The following AKAP6 variants were observed in gnomAD, a reference collection of about 807,000 sequenced individuals.
AKAP6 encodes the protein A-kinase anchoring protein 6, also known as A-kinase anchor protein 6.
A neutral mutation model predicts 188.5 loss-of-function variants in AKAP6; 58 were observed. That is an observed-to-expected ratio of 0.31 (90% CI 0.25 to 0.38). The LOEUF is 0.38. AKAP6 is among the 10% of genes least tolerant of loss of function. The pLI is 1.00. For synonymous variants in AKAP6, 989 were observed against 998.6 expected (o/e 0.99, Z 0.18); for missense variants, 2,710 against 2,740.0 (o/e 0.99, Z 0.24).
chr14:32,527,533 A>G (rs898165281), intron 2 of AKAP6, among the ~76,000 whole-genome samples: 2 of 152,250 alleles, frequency 1.3e-5, no homozygotes, highest in African/African-American at 4.8e-5. Context: ...GTAAGAAACC[A>G]CCAAACTGCA....
chr14:32,640,268 A>C (rs1399962359), intron 7 of AKAP6, among the ~76,000 whole-genome samples: 1 of 152,132 alleles, frequency 6.6e-6, no homozygotes, highest in Non-Finnish European at 1.5e-5. Context: ...ATGATATTTC[A>C]TTAGCTTCTC....
intron 2 of AKAP6, among the ~76,000 whole-genome samples, chr14:32,460,721 C>T (rs959270714): frequency 2.0e-5 from 3 of 152,200 alleles, no homozygotes; most frequent in African/African-American, 7.2e-5. Context: ...AGAGACAGAA[C>T]AGCTCACTCC....
At position 32,821,631 on chromosome 14, in the gene AKAP6, A is replaced by G. The variant is rs750718164; in HGVS notation, c.3818A>G (p.Tyr1273Cys). 5.0e-6 allele frequency: 8 copies of G among 1,613,752 alleles called. No homozygotes were observed. The highest frequency in any genetic ancestry group is 1.1e-5 in the South Asian group (1 of 91,054). The change falls in exon 13 of 14, where the codon TAT becomes TGT. Residue 1273 changes from tyrosine to cysteine, a missense_variant. Coordinates refer to ENST00000280979, the MANE Select transcript of AKAP6 (RefSeq NM_004274.5). ...EEADNHGGSQ[Y>C]ASNITAPSSP... ...GCTGATAACCATGGGGGATCTCAGT[A>G]TGCCTCAAATATTACTGCCCCCTCT...
At chr14:32,628,563 G>A (rs541324193) in intron 7 of AKAP6, among the ~76,000 whole-genome samples, 31 of 152,118 alleles carry the variant, frequency 2.0e-4, no homozygotes, top group African/African-American at 7.2e-4. Flanking sequence ...AGAAAGGAAG[G>A]AAGTTCTGTC....
At chr14:32,801,381 A>C (rs1468600012) in intron 12 of AKAP6, among the ~76,000 whole-genome samples, 1 of 152,206 alleles carries the variant, frequency 6.6e-6, no homozygotes, top group Non-Finnish European at 1.5e-5. Flanking sequence ...AAACAATACT[A>C]TACTGCTTCG....
intron 1 of AKAP6, among the ~76,000 whole-genome samples, chr14:32,393,530 G>C (rs1888778254): frequency 6.6e-6 from 1 of 152,112 alleles, no homozygotes; most frequent in South Asian, 2.1e-4. Context: ...ATTTGTAGAT[G>C]AGTTCATAAT....
chr14:32,469,759 A>T (rs898096722), intron 2 of AKAP6, among the ~76,000 whole-genome samples: 3 of 149,732 alleles, frequency 2.0e-5, no homozygotes, highest in Admixed American at 6.7e-5. Context: ...TCAGCCAGAC[A>T]TGCTGCTCGG....
chr14:32,738,179 G>A lies in AKAP6; in HGVS notation c.3372+2297G>A, dbSNP rs191033263. Among the ~76,000 whole-genome samples, 16 of 152,244 alleles carry A rather than the reference G, an allele frequency of 1.1e-4. No individual in the cohort carries two copies. In the East Asian group the frequency reaches 2.3e-3, roughly 22 times the overall value. On this transcript the variant is annotated intron_variant, in intron 11 of 13. Coordinates refer to ENST00000280979, the MANE Select transcript of AKAP6 (RefSeq NM_004274.5). ...GCCAGCTGGCAAAGGGTCCCTTTGA[G>A]CTGTGTGTGTGCAGCTTCAATGCCA...
intron 1 of AKAP6, among the ~76,000 whole-genome samples, chr14:32,333,599 A>G (rs950085335): frequency 6.6e-6 from 1 of 152,128 alleles, no homozygotes; most frequent in Non-Finnish European, 1.5e-5. Flanking sequence ...ACATATAGCT[A>G]TATGGTTTAT....
chr14:32,419,594 A>G (rs1889772280), intron 1 of AKAP6, among the ~76,000 whole-genome samples: 2 of 152,274 alleles, frequency 1.3e-5, no homozygotes, highest in Admixed American at 6.5e-5. Flanking sequence ...ACTCCACAAT[A>G]TATCTACTCA....
intron 2 of AKAP6, among the ~76,000 whole-genome samples, chr14:32,448,503 G>A (rs1382300832): frequency 6.6e-6 from 1 of 152,124 alleles, no homozygotes; most frequent in African/African-American, 2.4e-5. Flanking sequence ...CCTCTAGTGT[G>A]GGACCTGAGG....
At chr14:32,521,937 T>C (rs1309398989) in intron 2 of AKAP6, among the ~76,000 whole-genome samples, 1 of 152,152 alleles carries the variant, frequency 6.6e-6, no homozygotes, top group African/African-American at 2.4e-5. Context: ...GACTTCAAAC[T>C]ATACTACAAG....
At chr14:32,735,620 GTTTGT>G in intron 10 of AKAP6, 33 bp from the exon 11 acceptor site, 1 of 1,406,448 alleles carries the variant, frequency 7.1e-7, no homozygotes, top group Non-Finnish European at 9.6e-7. Context: ...TTTTTTGTTT[GTTTGT>G]TTTATTTTTT....
chr14:32,773,037 G>A (rs1432068759), intron 11 of AKAP6, among the ~76,000 whole-genome samples: 1 of 152,170 alleles, frequency 6.6e-6, no homozygotes, highest in Non-Finnish European at 1.5e-5. Context: ...TTCTTAAATA[G>A]TGTGAATGTC....
intron 5 of AKAP6, among the ~76,000 whole-genome samples, chr14:32,587,949 CAG>C (rs1885322667): frequency 6.6e-6 from 1 of 152,106 alleles, no homozygotes; most frequent in South Asian, 2.1e-4. Context: ...CAGTGAGTAT[CAG>C]GGGTACATGG....
chr14:32,384,307 A>G (rs969809541), intron 1 of AKAP6, among the ~76,000 whole-genome samples: 1 of 152,204 alleles, frequency 6.6e-6, no homozygotes, highest in African/African-American at 2.4e-5. Context: ...TAGGGTAAAG[A>G]TTCTGTGTCT....
intron 1 of AKAP6, among the ~76,000 whole-genome samples, chr14:32,370,419 C>T (rs1282306931): frequency 1.3e-5 from 2 of 152,208 alleles, no homozygotes; most frequent in African/African-American, 4.8e-5. Flanking sequence ...TGCTGAATGT[C>T]AAGTGCTGTT....
intron 1 of AKAP6, among the ~76,000 whole-genome samples, chr14:32,397,087 C>T (rs1888903605): frequency 1.3e-5 from 2 of 152,080 alleles, no homozygotes; most frequent in Admixed American, 1.3e-4. Flanking sequence ...GGACTCAGTC[C>T]CAGAGCTTCC....
intron 2 of AKAP6, among the ~76,000 whole-genome samples, chr14:32,514,743 A>G (rs1034511994): frequency 2.0e-5 from 3 of 152,238 alleles, no homozygotes; most frequent in African/African-American, 7.2e-5. Flanking sequence ...AACAGGTGGT[A>G]TAGGGAGTTG....
Sources: allele counts gnomAD v4.1 joint callset (sites outside exome capture counted in the v4.1 genomes callset), GRCh38; gene constraint gnomAD v4.1.1; transcripts MANE v1.5; gene names NCBI Gene and HGNC (gene_info 2026-07-23, HGNC 2026-07-21).